Variants in HDAC6 observed in about 807,000 individuals in gnomAD.
HDAC6 encodes protein deacetylase HDAC6.
A neutral mutation model predicts 88.9 loss-of-function variants in HDAC6; 5 were observed. That is an observed-to-expected ratio of 0.06 (90% CI 0.03 to 0.12). The LOEUF (loss-of-function observed/expected upper bound fraction) is 0.12. Ranked by LOEUF, HDAC6 falls within the 10% of genes least tolerant of loss-of-function variation. The pLI, the probability that HDAC6 is intolerant of heterozygous loss-of-function variation, is 1.00. For synonymous variants in HDAC6, 378 were observed against 398.0 expected (o/e 0.95, Z 0.60); for missense variants, 706 against 1,014.4 (o/e 0.70, Z 4.13).
Position 48,824,609 on chromosome X carries a change from C to T in HDAC6, c.3645C>T (p.His1215=). The part of the protein sequence containing the change: ...NKFGEDMPHP[H] ...TTGGGGAGGATATGCCCCACCCACA[C>T]TAAGCCCCAGAATACGGTCCCTCTT... Residue 1215 remains histidine (H), a synonymous_variant, in exon 29 of 29, where the codon CAC becomes CAT. Transcript: ENST00000334136. The T allele has an allele frequency of 1.7e-6, 2 of 1,210,284 alleles. No homozygotes were observed. Among genetic ancestry groups the T allele is most frequent in the Admixed American group, 2.2e-5 (1 of 45,906 alleles).
intron 22 of HDAC6, chrX:48,819,561 TGAAA>T: frequency 8.1e-6 from 1 of 123,684 alleles, no homozygotes; most frequent in Non-Finnish European, 1.6e-5. Context: ...TTTTTTTTTT[TGAAA>T]TGGAGTCTTG....
At chrX:48,803,469 G>T in intron 4 of HDAC6, 1 of 373,525 alleles carries the variant, frequency 2.7e-6, no homozygotes, top group East Asian at 4.7e-5. Flanking sequence ...GCGGATTGAT[G>T]AGTAGGAGGG....
chrX:48,803,030 G>C (rs1557022988), intron 3 of HDAC6, 31 bp downstream of exon 3: 2 of 1,204,807 alleles, frequency 1.7e-6, no homozygotes, highest in Non-Finnish European at 2.2e-6. Flanking sequence ...GTTTAGCCTC[G>C]TATGACAATC....
intron 1 of HDAC6, 188 bp downstream of exon 1, chrX:48,802,330 A>T (rs2059731688): frequency 3.4e-6 from 3 of 879,209 alleles, no homozygotes; most frequent in Non-Finnish European, 2.8e-6. Context: ...GGGGCTTAGG[A>T]GAGTAGAAGG....
chrX:48,815,254 T>G, intron 14 of HDAC6, 130 bp from the exon 15 acceptor site: 2 of 569,634 alleles, frequency 3.5e-6, no homozygotes, highest in Non-Finnish European at 5.9e-6. Flanking sequence ...TCCAGTGAAT[T>G]CAGTGAGGCA....
rs1173454047 is a variant in HDAC6 at position 48,816,129 on chromosome X, C to T, written c.1494-12C>T. 8.3e-7 allele frequency: 1 copy of T among 1,209,623 alleles called. No individual in the cohort carries two copies. Among genetic ancestry groups the T allele is most frequent in the South Asian group, 1.8e-5 (1 of 56,853 alleles). ...GGCACTAAGCCTCTACCTCTCGTTT[C>T]CCCACTGCTAGCCACCACCCTGAGG... On this transcript the variant is annotated splice_polypyrimidine_tract_variant and intron_variant, in intron 17 of 28. Coordinates refer to ENST00000334136, the MANE Select transcript of HDAC6 (RefSeq NM_006044.4).
At chrX:48,821,940 A>G (rs1203663736) in intron 23 of HDAC6, among the ~76,000 whole-genome samples, 2 of 112,177 alleles carry the variant, frequency 1.8e-5, no homozygotes, top group African/African-American at 6.5e-5. Context: ...AAGAACACAG[A>G]TGACTCCATC....
intron 4 of HDAC6, among the ~76,000 whole-genome samples, chrX:48,805,045 C>T (rs1172315250): frequency 9.9e-5 from 11 of 111,135 alleles, no homozygotes; most frequent in Admixed American, 3.8e-4. Flanking sequence ...GAGATGGGGT[C>T]AGAGAGGTGA....
intron 12 of HDAC6, 24 bp downstream of exon 12, chrX:48,814,764 GGGA>G (rs781958232): frequency 8.3e-7 from 1 of 1,209,948 alleles, no homozygotes; most frequent in South Asian, 1.8e-5. Flanking sequence ...GGGGTGTGTT[GGGA>G]GGAGGAGTGG....
chrX:48,819,189 T>C (rs189213724), intron 22 of HDAC6, among the ~76,000 whole-genome samples: 98 of 112,480 alleles, frequency 8.7e-4, no homozygotes, highest in Non-Finnish European at 1.7e-3. Context: ...TGTGTGGTGA[T>C]GGCATGTGTA....
rs2075837 is a variant in HDAC6, at chrX:48,818,432, G to A, written c.2187+20G>A. ...TACGAGGTACAGCTCAGGATAGATC[G>A]CAGGACGTATGTGACACGCCTGTGC... is the stretch of plus-strand genomic sequence containing the variant. On this transcript the variant is annotated intron_variant, in intron 22 of 28. Transcript: ENST00000334136. 231,609 of 1,132,327 alleles carry A rather than the reference G, an allele frequency of 0.2. 16,961 individuals are homozygous for A. Among genetic ancestry groups the A allele is most frequent in the South Asian group, 0.34 (15,930 of 46,726 alleles). 93.3% of individuals were successfully genotyped at this position (1,132,327 alleles called of 1,213,427 possible).
chrX:48,817,251 C>CAAAAA, intron 19 of HDAC6, 75 bp from the exon 20 acceptor site: 4 of 826,864 alleles, frequency 4.8e-6, no homozygotes, highest in Non-Finnish European at 6.1e-6. Flanking sequence ...GACTCCGTCT[C>CAAAAA]AAAAAAAAAA....
chrX:48,809,443 T>G (rs1203747548), intron 10 of HDAC6, among the ~76,000 whole-genome samples: 1 of 111,670 alleles, frequency 9.0e-6, no homozygotes, highest in African/African-American at 3.3e-5. Flanking sequence ...ATCCTTAATC[T>G]GAAAACCCAA....
intron 22 of HDAC6, chrX:48,819,786 C>T (rs782641355): frequency 2.4e-4 from 79 of 332,504 alleles, no homozygotes; most frequent in African/African-American, 1.5e-3. Context: ...ATGATCTGCC[C>T]GCCTCGGCCT....
At chrX:48,806,730 T>G in intron 8 of HDAC6, 24 bp downstream of exon 8, 1 of 972,088 alleles carries the variant, frequency 1.0e-6, no homozygotes, top group Non-Finnish European at 1.4e-6. Flanking sequence ...GCATTTGACT[T>G]TTTACATTGT....
Position 48,803,212 on chromosome X carries a change from G to T in HDAC6, c.307G>T (p.Asp103Tyr), listed in dbSNP as rs782239345. The T allele has an allele frequency of 1.7e-6, 2 of 1,198,161 alleles. No individual in the cohort carries two copies. Among genetic ancestry groups the T allele is most frequent in the South Asian group, 3.6e-5 (2 of 56,210 alleles). The change falls in exon 4 of 29, where the codon GAC becomes TAC. Residue 103 changes from aspartate (D) to tyrosine (Y), a missense_variant. By Grantham distance (160) the Asp-to-Tyr change is radical (BLOSUM62 -3). This residue lies in a region of HDAC6 where 193 missense variants were observed against 258.2 expected (regional missense o/e 0.75). Coordinates refer to ENST00000334136, the MANE Select transcript of HDAC6 (RefSeq NM_006044.4). ...QLNEFHCLWD[D>Y]SFPEGPERLH... ...AAATGAATTCCATTGCCTCTGGGAT[G>T]ACAGGTGAGGCTGGGTCCTCCAGGC...
In HDAC6 at chrX:48,822,937, C is replaced by T. The variant is rs372636491; in HGVS notation, c.2538C>T (p.Ser846=). The change falls in exon 25 of 29, where the codon TCC becomes TCT. Residue 846 remains serine, a synonymous_variant. Transcript: ENST00000334136. ...VMKVEDREGP[S]SSKLVTKKAP... ...AGGTAGAAGACAGAGAAGGACCCTC[C>T]AGTTCTAAGTTGGTCACCAAGAAGG... The T allele has an allele frequency of 8.4e-6, 10 of 1,192,723 alleles. No individual in the cohort carries two copies. The African/African-American group carries it at 1.8e-4, about 21-fold the overall frequency.
intron 10 of HDAC6, among the ~76,000 whole-genome samples, chrX:48,810,331 C>G (rs1210687927): frequency 2.7e-5 from 3 of 110,908 alleles, no homozygotes; most frequent in Non-Finnish European, 5.7e-5. Flanking sequence ...CCACTGCAGC[C>G]TCTCAAAGCA....
chrX:48,818,493 G>T, intron 22 of HDAC6, 81 bp downstream of exon 22: 1 of 811,083 alleles, frequency 1.2e-6, no homozygotes. Flanking sequence ...TGGCATGTGT[G>T]TGTGTGACTA....
Sources: gnomAD v4.1 joint callset for allele counts (sites outside exome capture counted in the v4.1 genomes callset) on GRCh38, gnomAD v4.1.1 for gene constraint, gnomAD v4.1.1 regional missense constraint, MANE v1.5 for transcripts, NCBI Gene and HGNC (gene_info 2026-07-23, HGNC 2026-07-21) for gene names.